The following PDE7B variants were observed in gnomAD, a reference collection of about 807,000 sequenced individuals.
The protein encoded by PDE7B is 3',5'-cyclic-AMP phosphodiesterase 7B.
In PDE7B, 29 loss-of-function variants were observed where a neutral mutation model predicts 56.2. The ratio of observed to expected loss-of-function variants is 0.52; its 90% CI spans 0.38 to 0.70. The LOEUF (loss-of-function observed/expected upper bound fraction) is 0.70, where lower values mean the gene tolerates loss of function less well. Among genes scored for constraint, PDE7B ranks in the 30% least tolerant of loss-of-function variants. The pLI, the probability that PDE7B is intolerant of heterozygous loss-of-function variation, is 0.00. For synonymous variants in PDE7B, 197 were observed against 196.9 expected, an observed-to-expected ratio of 1.00 and a Z score of 0.00; for missense variants, 490 against 565.0, an observed-to-expected ratio of 0.87 and a Z score of 1.35.
chr6:135,863,692 AT>A (rs200974005), intron 1 of PDE7B, among the ~76,000 whole-genome samples: 7,310 of 138,448 alleles, frequency 0.053, 325 homozygotes, highest in African/African-American at 0.14. Context: ...ATCCCTTCCA[AT>A]TTTTTTTTTT....
At chr6:135,919,480 T>C (rs1046758743) in intron 1 of PDE7B, among the ~76,000 whole-genome samples, 3 of 152,238 alleles carry the variant, frequency 2.0e-5, no homozygotes, top group Admixed American at 1.3e-4. Context: ...TGTGAATCGC[T>C]CTATTAGTCC....
intron 1 of PDE7B, among the ~76,000 whole-genome samples, chr6:135,860,279 A>G (rs1290150909): frequency 1.3e-5 from 2 of 152,048 alleles, no homozygotes; most frequent in Non-Finnish European, 2.9e-5. Context: ...TTGTTTTTAT[A>G]TGCTTAAAAT....
At position 136,076,028 on chromosome 6, in the gene PDE7B, T is replaced by G. The variant is rs117151710; in HGVS notation, c.83-32703T>G. Among the ~76,000 whole-genome samples, 67 of 152,276 alleles carry G rather than the reference T, an allele frequency of 4.4e-4. No homozygotes were observed. The East Asian group carries it at 8.1e-3, about 18-fold the overall frequency. On this transcript the variant is annotated intron_variant, in intron 2 of 12. Transcript: ENST00000308191. ...TGATAGAATAACAGTAAAAAATGAA[T>G]GAACTCACAAGAATAAAGAGTGGAA...
chr6:136,064,138 TTTGTTTTAGCGTGCAATGGAAGAC>T (rs1484340664), intron 2 of PDE7B, among the ~76,000 whole-genome samples: 2 of 152,212 alleles, frequency 1.3e-5, no homozygotes, highest in African/African-American at 2.4e-5. Context: ...TACTCTGGGA[TTTGTTTTAGCGTGCAATGGAAGAC>T]TATTAGTATT....
At chr6:136,038,521 C>T (rs1776365143) in intron 2 of PDE7B, 2 of 1,278,072 alleles carry the variant, frequency 1.6e-6, no homozygotes, top group Non-Finnish European at 2.0e-6. Context: ...CTCTCCGCAG[C>T]TTTCCAGGTA....
At chr6:135,892,255 A>G (rs1244636047) in intron 1 of PDE7B, among the ~76,000 whole-genome samples, 1 of 152,096 alleles carries the variant, frequency 6.6e-6, no homozygotes, top group Non-Finnish European at 1.5e-5. Context: ...AGACTTGCTG[A>G]GAGCAGCTTA....
chr6:135,978,889 C>T (rs1447009584), intron 2 of PDE7B, among the ~76,000 whole-genome samples: 1 of 151,868 alleles, frequency 6.6e-6, no homozygotes, highest in South Asian at 2.1e-4. Flanking sequence ...TGCCTAATTG[C>T]CCTGGCCAGA....
In PDE7B at chr6:136,142,463, T is replaced by C. The variant is rs564419613; in HGVS notation, c.167-4888T>C. ...TGGGGTGGAGAGTTCTGTAGATGTC[T>C]ATTAGGTCCTCTTGGTGCAGAGCTG... On this transcript the variant is annotated intron_variant, in intron 3 of 12. Transcript: ENST00000308191. Among the ~76,000 whole-genome samples, 45 of 152,338 alleles carry C rather than the reference T, an allele frequency of 3.0e-4. No homozygotes were observed. The East Asian group carries it at 5.8e-3, about 20-fold the overall frequency.
rs76403675 is a variant in PDE7B, at chr6:135,971,642, T to C, written c.82+24118T>C. On this transcript the variant is annotated intron_variant, in intron 2 of 12. Coordinates refer to ENST00000308191, the MANE Select transcript of PDE7B (RefSeq NM_018945.4). ...TTGGAGTGTTAAAATAAAAAATTCATTGGACTAGAATTCAAAAGACATTGG... is the reference window on the plus strand; with the variant it reads ...TTGGAGTGTTAAAATAAAAAATTCACTGGACTAGAATTCAAAAGACATTGG... 5.5e-4 allele frequency among the ~76,000 whole-genome samples: 84 copies of C among 152,286 alleles called. 2 individuals are homozygous for C. In the East Asian group the frequency reaches 0.015, roughly 27 times the overall value.
chr6:136,156,146 AAGAG>A (rs1778598639), intron 8 of PDE7B: 1 of 351,362 alleles, frequency 2.8e-6, no homozygotes, highest in African/African-American at 2.3e-5. Flanking sequence ...AAGGAAAGAG[AAGAG>A]AGAATGATCC....
At chr6:136,123,419 AAC>A (rs1363373539) in intron 3 of PDE7B, among the ~76,000 whole-genome samples, 3 of 152,192 alleles carry the variant, frequency 2.0e-5, no homozygotes, top group African/African-American at 4.8e-5. Flanking sequence ...CCAAAATGTC[AAC>A]AGTGTTCTTC....
chr6:135,929,447 A>T (rs1774256408), intron 1 of PDE7B, among the ~76,000 whole-genome samples: 1 of 152,182 alleles, frequency 6.6e-6, no homozygotes, highest in African/African-American at 2.4e-5. Context: ...TATACTGCAG[A>T]TTTCAAAGAC....
chr6:135,985,792 C>T (rs1256924294), intron 2 of PDE7B, among the ~76,000 whole-genome samples: 1 of 152,226 alleles, frequency 6.6e-6, no homozygotes, highest in Non-Finnish European at 1.5e-5. Context: ...CTTCGACGTA[C>T]TACCAAGTAC....
At chr6:136,168,010 A>C (rs1054660480) in intron 8 of PDE7B, among the ~76,000 whole-genome samples, 6 of 152,196 alleles carry the variant, frequency 3.9e-5, no homozygotes, top group African/African-American at 1.2e-4. Flanking sequence ...GAATGATTGC[A>C]GATGGCCTTG....
At chr6:136,003,953 A>G (rs1254455805) in intron 2 of PDE7B, among the ~76,000 whole-genome samples, 13 of 152,142 alleles carry the variant, frequency 8.5e-5, no homozygotes, top group Admixed American at 7.2e-4. Context: ...AAAATCCTCA[A>G]TAAAATACTG....
chr6:135,965,705 C>G (rs1181956504), intron 2 of PDE7B, among the ~76,000 whole-genome samples: 1 of 152,106 alleles, frequency 6.6e-6, no homozygotes, highest in Non-Finnish European at 1.5e-5. Flanking sequence ...CGGTTACCTC[C>G]CACTGGGTCC....
intron 1 of PDE7B, among the ~76,000 whole-genome samples, chr6:135,890,989 C>G (rs909611957): frequency 2.0e-5 from 3 of 152,134 alleles, no homozygotes; most frequent in African/African-American, 7.2e-5. Context: ...GCCAAAAAAG[C>G]TCTTGTTTAA....
intron 3 of PDE7B, among the ~76,000 whole-genome samples, chr6:136,133,931 C>A (rs1246939731): frequency 5.9e-5 from 9 of 152,064 alleles, no homozygotes; most frequent in Non-Finnish European, 1.2e-4. Context: ...ACAGCAAAAG[C>A]AGAGATCTGT....
At chr6:135,952,979 A>G (rs2128200271) in intron 2 of PDE7B, among the ~76,000 whole-genome samples, 1 of 152,276 alleles carries the variant, frequency 6.6e-6, no homozygotes, top group East Asian at 1.9e-4. Context: ...GCCATTCATC[A>G]GCTACTTGTG....
Sources: allele counts gnomAD v4.1 joint callset (sites outside exome capture counted in the v4.1 genomes callset), GRCh38; gene constraint gnomAD v4.1.1; transcripts MANE v1.5; gene names NCBI Gene and HGNC (gene_info 2026-07-23, HGNC 2026-07-21).